The following CAMKK2 variants were observed in gnomAD, a reference collection of about 807,000 sequenced individuals.
The protein encoded by CAMKK2 is calcium/calmodulin-dependent protein kinase kinase 2.
Under a neutral mutation model 67.2 loss-of-function variants are expected in CAMKK2, and 30 were observed. The ratio of observed to expected loss-of-function variants is 0.45; its 90% CI spans 0.33 to 0.61. The LOEUF (loss-of-function observed/expected upper bound fraction) is 0.61. Ranked by LOEUF, CAMKK2 falls within the 20% of genes least tolerant of loss-of-function variation. The pLI is 0.02. For synonymous variants in CAMKK2, 322 were observed against 326.2 expected, an observed-to-expected ratio of 0.99 and a Z score of 0.14; for missense variants, 643 against 802.0, an observed-to-expected ratio of 0.80 and a Z score of 2.39.
intron 11 of CAMKK2, 34 bp downstream of exon 11, chr12:121,252,627 C>A (rs761858864): frequency 4.4e-6 from 7 of 1,601,104 alleles, no homozygotes; most frequent in Non-Finnish European, 6.0e-6. Flanking sequence ...GGCCACCCAG[C>A]AGTACTGAGG....
intron 5 of CAMKK2, among the ~76,000 whole-genome samples, chr12:121,266,145 C>T (rs1003596940): frequency 6.6e-6 from 1 of 152,152 alleles, no homozygotes; most frequent in Non-Finnish European, 1.5e-5. Context: ...ATTGCCCACA[C>T]TGGTCTCAAA....
chr12:121,240,601 C>T lies in CAMKK2; in HGVS notation c.*98G>A, dbSNP rs1888172353. 32 of 1,533,672 alleles carry T rather than the reference C, an allele frequency of 2.1e-5. No homozygotes were observed. Among genetic ancestry groups the T allele is most frequent in the Non-Finnish European group, 2.5e-5 (29 of 1,146,350 alleles). The stretch of plus-strand genomic sequence containing the variant: ...GAGATGACGATCGAGGCTCTACACA[C>T]GTGCTGGGTTTCCGTAGGACATGCT... On this transcript the variant is annotated 3_prime_UTR_variant, in exon 17 of 17. Coordinates refer to ENST00000404169, the MANE Select transcript of CAMKK2 (RefSeq NM_001270485.2). This position sits in a 1 kb window ranked among gnomAD's most constrained non-coding sequence, Gnocchi z 4.4.
intron 6 of CAMKK2, among the ~76,000 whole-genome samples, chr12:121,261,733 C>T (rs1466791250): frequency 6.6e-6 from 1 of 152,254 alleles, no homozygotes; most frequent in East Asian, 1.9e-4. Flanking sequence ...AGGCTTCCAG[C>T]CCTTTCCACA....
chr12:121,250,961 C>T (rs1386929639), intron 11 of CAMKK2, among the ~76,000 whole-genome samples: 1 of 152,220 alleles, frequency 6.6e-6, no homozygotes, highest in Non-Finnish European at 1.5e-5. Context: ...ATTCAGCTGA[C>T]TCTGAAGCCT....
At position 121,253,708 on chromosome 12, in the gene CAMKK2, C is replaced by T. The variant is rs1458834409; in HGVS notation, c.908-236G>A. 1.3e-5 allele frequency among the ~76,000 whole-genome samples: 2 copies of T among 152,184 alleles called. No homozygotes were observed. The highest frequency in any genetic ancestry group is 1.9e-4 in the East Asian group (1 of 5,200). Reference sequence around the variant, plus strand: ...CCAGCCCACCATCACCCCACCCCTTCTCAACAATGACACATAAAACACTGC... The same window carrying T: ...CCAGCCCACCATCACCCCACCCCTTTTCAACAATGACACATAAAACACTGC... On this transcript the variant is annotated intron_variant, in intron 9 of 16. Transcript: ENST00000404169. This position sits in a 1 kb window ranked among gnomAD's most constrained non-coding sequence, Gnocchi z 5.0.
intron 1 of CAMKK2, among the ~76,000 whole-genome samples, chr12:121,292,009 T>C (rs980728053): frequency 6.6e-6 from 1 of 151,436 alleles, no homozygotes; most frequent in African/African-American, 2.4e-5. Context: ...TGAGCCGAGA[T>C]CACGCCACTG....
intron 2 of CAMKK2, among the ~76,000 whole-genome samples, chr12:121,273,090 A>G (rs1450743963): frequency 6.6e-6 from 1 of 152,092 alleles, no homozygotes; most frequent in Admixed American, 6.6e-5. Flanking sequence ...AAACAACTAA[A>G]CCAACGCACA....
intron 10 of CAMKK2, 62 bp from the exon 11 acceptor site, chr12:121,252,776 T>A (rs997162957): frequency 9.6e-6 from 15 of 1,556,098 alleles, no homozygotes; most frequent in Non-Finnish European, 1.2e-5. Context: ...ATCCTCCAGT[T>A]TTCCTTTGGG....
At chr12:121,269,740 G>A in intron 3 of CAMKK2, 159 bp from the exon 4 acceptor site, 1 of 628,960 alleles carries the variant, frequency 1.6e-6, no homozygotes, top group Non-Finnish European at 2.8e-6. Context: ...TGGATTAGTT[G>A]CCAAGATTTA....
Position 121,274,548 on chromosome 12 carries a change from CAG to C in CAMKK2, c.-24_-23del, listed in dbSNP as rs1566110530. The C allele has an allele frequency of 6.4e-7, 1 of 1,561,918 alleles. No individual in the cohort carries two copies. Among genetic ancestry groups the C allele is most frequent in the East Asian group, 2.3e-5 (1 of 43,932 alleles). Reference sequence around the variant, plus strand: ...ACATGGTGCATGCGCCAGCTTCATCCAGCACACTGGGGCACTCCCATCCGGCA... The same window carrying C: ...ACATGGTGCATGCGCCAGCTTCATCCCACACTGGGGCACTCCCATCCGGCA... On this transcript the variant is annotated 5_prime_UTR_variant, in exon 2 of 17. An upstream open reading frame in the 5' UTR loses its in-frame stop. Transcript: ENST00000404169.
chr12:121,278,044 C>T (rs1897128910), intron 1 of CAMKK2, among the ~76,000 whole-genome samples: 1 of 152,082 alleles, frequency 6.6e-6, no homozygotes, highest in Admixed American at 6.6e-5. Context: ...ATGATAAGGC[C>T]TAGGATGCTA....
chr12:121,271,717 T>G (rs1895819517), intron 2 of CAMKK2, among the ~76,000 whole-genome samples: 1 of 152,214 alleles, frequency 6.6e-6, no homozygotes. Context: ...TGGCTTTTTT[T>G]TCTTTTTGAG....
At chr12:121,242,487 C>A (rs1888567744) in intron 16 of CAMKK2, among the ~76,000 whole-genome samples, 1 of 152,198 alleles carries the variant, frequency 6.6e-6, no homozygotes, top group Non-Finnish European at 1.5e-5. Flanking sequence ...GGCCAGCCCG[C>A]TGGGTTTCCA....
At chr12:121,257,286 G>A (rs556447174) in intron 7 of CAMKK2, among the ~76,000 whole-genome samples, 12 of 144,644 alleles carry the variant, frequency 8.3e-5, no homozygotes, top group East Asian at 2.0e-4. Context: ...TTGCTCTGTT[G>A]CCCAGGCTGG....
chr12:121,286,789 C>A (rs1445577732), intron 1 of CAMKK2, among the ~76,000 whole-genome samples: 2 of 152,202 alleles, frequency 1.3e-5, no homozygotes, highest in Non-Finnish European at 2.9e-5. Flanking sequence ...TCACAATCAT[C>A]CAGCTTCTGA....
intron 11 of CAMKK2, among the ~76,000 whole-genome samples, chr12:121,251,826 C>CAAAA (rs35539013): frequency 1.5e-4 from 13 of 85,694 alleles, no homozygotes; most frequent in South Asian, 4.2e-4. Flanking sequence ...GACTCCATCT[C>CAAAA]AAAAAAAAAA....
Position 121,240,694 on chromosome 12 carries a change from G to A in CAMKK2, c.*5C>T. ...CGCGCATGCGAGGTCGAGCGATCCA[G>A]GCAGCTACTCGGGCTCCATGGCCTC... On this transcript the variant is annotated 3_prime_UTR_variant, in exon 17 of 17. Coordinates refer to ENST00000404169, the MANE Select transcript of CAMKK2 (RefSeq NM_001270485.2). The surrounding 1 kb of genome is among the most constrained non-coding windows in gnomAD (Gnocchi z 4.4). 6.3e-7 allele frequency: 1 copy of A among 1,594,290 alleles called. No homozygotes were observed. The highest frequency in any genetic ancestry group is 2.3e-5 in the East Asian group (1 of 44,282).
chr12:121,258,273 C>T (rs1169996996), intron 7 of CAMKK2, among the ~76,000 whole-genome samples: 1 of 152,102 alleles, frequency 6.6e-6, no homozygotes, highest in Non-Finnish European at 1.5e-5. Flanking sequence ...ATCCACCTGC[C>T]TTGGCCTCCC....
chr12:121,251,034 G>A (rs916209110), intron 11 of CAMKK2, among the ~76,000 whole-genome samples: 11 of 152,220 alleles, frequency 7.2e-5, no homozygotes, highest in Admixed American at 1.3e-4. Context: ...CCTGACTCAA[G>A]AGCAGCTTGG....
Sources: gnomAD v4.1 joint callset for allele counts (sites outside exome capture counted in the v4.1 genomes callset) on GRCh38, gnomAD v4.1.1 for gene constraint, Gnocchi (gnomAD v3.1) non-coding constraint, MANE v1.5 for transcripts, NCBI Gene and HGNC (gene_info 2026-07-23, HGNC 2026-07-21) for gene names.